PRRT4: variants seen among roughly 807,000 people sequenced by gnomAD.
The protein encoded by PRRT4 is proline rich transmembrane protein 4.
In PRRT4, 59 loss-of-function variants were observed where a neutral mutation model predicts 55.6. That is an observed-to-expected ratio of 1.06 (90% confidence interval 0.86 to 1.32). The LOEUF (loss-of-function observed/expected upper bound fraction) is 1.32, where lower values mean the gene tolerates loss of function less well. PRRT4 is among the 40% of genes most tolerant of loss of function. The pLI is 0.00. For synonymous variants in PRRT4, 606 were observed against 601.8 expected, an observed-to-expected ratio of 1.01 and a Z score of -0.10; for missense variants, 1,217 against 1,222.0, an observed-to-expected ratio of 1.00 and a Z score of 0.06.
At position 128,359,266 on chromosome 7, in the gene PRRT4, C is replaced by G. The variant is rs925096899; in HGVS notation, c.653-13G>C. ...GTGCCAAAGAATCCTGCAAAAGAAG[C>G]CCAGGCTGAAGCTGCCTCCTACCTG... is the stretch of plus-strand genomic sequence containing the variant. On this transcript the variant is annotated splice_polypyrimidine_tract_variant and intron_variant, in intron 2 of 4. Transcript: ENST00000535159. 7.8e-6 allele frequency: 12 copies of G among 1,547,912 alleles called. No homozygotes were observed. In the African/African-American group the frequency reaches 1.2e-4, roughly 16 times the overall value.
rs1036586654 is a variant in PRRT4 at position 128,350,914 on chromosome 7, A to G, written c.2642T>C (p.Leu881Pro). 5.2e-6 allele frequency: 8 copies of G among 1,550,746 alleles called. No individual in the cohort carries two copies. The African/African-American group carries it at 9.6e-5, about 19-fold the overall frequency. The change falls in exon 5 of 5, where the codon CTG (leucine) becomes CCG (proline). Residue 881 changes from leucine (L) to proline (P), a missense_variant. Transcript: ENST00000535159. ...CTCGTCGATCTGTCGGCAGGCGTCC[A>G]GGAACTGCTCCTGCAGCAAGGCCTC...
chr7:128,352,540 G>C (rs1797015016), exon 5 of PRRT4: 3 of 1,544,290 alleles, frequency 1.9e-6, no homozygotes, highest in Non-Finnish European at 1.7e-6. Flanking sequence ...GGGCCTCGGC[G>C]CCTCGGGAGG....
chr7:128,352,124 C>T, exon 5 of PRRT4: 1 of 1,186,568 alleles, frequency 8.4e-7, no homozygotes, highest in Admixed American at 4.6e-5. Flanking sequence ...GCGGCGGCCG[C>T]CAGCCCCAGC....
At chr7:128,357,998 A>C (rs565744386) in intron 4 of PRRT4, among the ~76,000 whole-genome samples, 2 of 152,366 alleles carry the variant, frequency 1.3e-5, no homozygotes, top group African/African-American at 4.8e-5. Flanking sequence ...CATCATGCTA[A>C]GAGCTTTGCA....
chr7:128,352,101 G>C (rs891012625), exon 5 of PRRT4: 2 of 1,152,610 alleles, frequency 1.7e-6, no homozygotes, highest in Non-Finnish European at 2.1e-6. Context: ...GATGCGCGGC[G>C]CTCCCGAGGG....
exon 5 of PRRT4, chr7:128,350,916 G>A (rs1418968932): frequency 2.6e-6 from 4 of 1,550,740 alleles, no homozygotes; most frequent in Non-Finnish European, 3.5e-6. Context: ...AGGCGTCCAG[G>A]AACTGCTCCT....
chr7:128,352,196 G>T lies in PRRT4; in HGVS notation c.1360C>A (p.Leu454Met), dbSNP rs1584679255. 6.7e-7 allele frequency: 1 copy of T among 1,490,416 alleles called. No individual in the cohort carries two copies. The highest frequency in any genetic ancestry group is 8.9e-7 in the Non-Finnish European group (1 of 1,127,436). 92.3% of individuals were successfully genotyped at this position (1,490,416 alleles called of 1,614,324 possible). A position where few individuals can be genotyped will look rare whatever the true frequency, so the allele number is the denominator to read the frequency against. Residue 454 changes from leucine (L) to methionine (M), a missense_variant, in exon 5 of 5, where the codon CTG becomes ATG. By Grantham distance (15) the Leu-to-Met change is conservative. Transcript: ENST00000535159. ...CGCGGCGGGCGCGGCCGGGCCAGCA[G>T]CAGGCAGGCCAGCCCCAGGCCGGCA...
exon 2 of PRRT4, chr7:128,359,806 T>C: frequency 1.3e-6 from 2 of 1,522,216 alleles, no homozygotes. Flanking sequence ...CAGCAGCAGG[T>C]CCCCGAAGAT....
intron 1 of PRRT4, among the ~76,000 whole-genome samples, chr7:128,360,278 C>G (rs1797217112): frequency 6.6e-6 from 1 of 152,230 alleles, no homozygotes; most frequent in African/African-American, 2.4e-5. Context: ...CCTCCTTCCC[C>G]CTCTGCTCAT....
intron 1 of PRRT4, among the ~76,000 whole-genome samples, 154 bp from the exon 3 acceptor site, chr7:128,360,217 C>T (rs1159641839): frequency 2.0e-5 from 3 of 152,116 alleles, no homozygotes; most frequent in Non-Finnish European, 4.4e-5. Flanking sequence ...CTCTTCTTGC[C>T]GGGCCCTTCC....
rs894626173 is a variant in PRRT4, at chr7:128,351,248, C to G, written c.2308G>C (p.Gly770Arg). Reference sequence around the variant, plus strand: ...CCTGATCTCTCACTGGCCCTGCCCCCGGTCCCCAGCGAGGCGGTGCGGTAG... The same window carrying G: ...CCTGATCTCTCACTGGCCCTGCCCCGGGTCCCCAGCGAGGCGGTGCGGTAG... The change falls in exon 5 of 5, where the codon GGG becomes CGG. Residue 770 changes from glycine (G) to arginine (R), a missense_variant. Gly to Arg is a moderately radical substitution (Grantham distance 125). Coordinates refer to ENST00000535159, the Ensembl canonical transcript of PRRT4. 77 of 1,539,488 alleles carry G rather than the reference C, an allele frequency of 5.0e-5. No homozygotes were observed. The highest frequency in any genetic ancestry group is 6.0e-5 in the Non-Finnish European group (69 of 1,146,664).
At chr7:128,352,218 G>C (rs1486447400) in exon 5 of PRRT4, 9 of 1,529,546 alleles carry the variant, frequency 5.9e-6, no homozygotes, top group Non-Finnish European at 7.9e-6. Context: ...GCCCCAGGCC[G>C]GCAGCCAAGC....
chr7:128,359,575 G>T lies in PRRT4; in HGVS notation c.417C>A (p.Ser139Arg), dbSNP rs569223173. Residue 139 changes from serine to arginine, a missense_variant, in exon 2 of 5, where the codon AGC becomes AGA. Coordinates refer to ENST00000535159, the Ensembl canonical transcript of PRRT4. ...GCTGATAGGGGGCAGTGGGCCCATC[G>T]CTGGGCCCAGAGCGCCGGGATGTGG... The T allele has an allele frequency of 2.7e-5, 41 of 1,498,598 alleles. No homozygotes were observed. The South Asian group carries it at 5.2e-4, about 19-fold the overall frequency. 92.8% of individuals were successfully genotyped at this position (1,498,598 alleles called of 1,614,324 possible).
chr7:128,355,069 G>C (rs950399332), intron 4 of PRRT4, among the ~76,000 whole-genome samples: 7 of 152,120 alleles, frequency 4.6e-5, no homozygotes, highest in Admixed American at 4.6e-4. Flanking sequence ...TAAAGGCTGC[G>C]GTCTGTTTTC....
rs956134641 is a variant in PRRT4 at position 128,359,381 on chromosome 7, C to T, written c.611G>A (p.Arg204Gln). 8 of 1,468,296 alleles carry T rather than the reference C, an allele frequency of 5.4e-6. No homozygotes were observed. The highest frequency in any genetic ancestry group is 2.9e-5 in the African/African-American group (2 of 70,046). 91.0% of individuals were successfully genotyped at this position (1,468,296 alleles called of 1,614,324 possible). The change falls in exon 2 of 5, where the codon CGG (arginine) becomes CAG (glutamine). Residue 204 changes from arginine to glutamine, a missense_variant. By Grantham distance (43) the Arg-to-Gln change is conservative (BLOSUM62 1). This residue lies in a region of PRRT4 where 564 missense variants were observed against 592.9 expected (regional missense o/e 0.95). Transcript: ENST00000535159. ...CCCAGCAATCTCTGCCAGGCTGGCC[C>T]GCAGGCTGGGCAGCAGGGGCAGCGT...
At chr7:128,355,593 T>A (rs1797096312) in intron 4 of PRRT4, among the ~76,000 whole-genome samples, 1 of 152,202 alleles carries the variant, frequency 6.6e-6, no homozygotes, top group Non-Finnish European at 1.5e-5. Flanking sequence ...ATGGAGAGCT[T>A]GCTGATCAGG....
Position 128,351,694 on chromosome 7 carries a change from T to TA in PRRT4, c.1861dup (p.Tyr621LeufsTer155). The TA allele has an allele frequency of 6.6e-7, 1 of 1,505,278 alleles. No homozygotes were observed. Among genetic ancestry groups the TA allele is most frequent in the Non-Finnish European group, 8.8e-7 (1 of 1,135,296 alleles). The allele number at this position is 1,505,278 out of a possible 1,614,324, so 93.2% of individuals were successfully genotyped here. On this transcript the variant is annotated frameshift_variant, in exon 5 of 5. Coordinates refer to ENST00000535159, the Ensembl canonical transcript of PRRT4. LOFTEE classifies it high-confidence loss of function. ...CACGCGAGGACTGCAGAGCGCCGGG[T>TA]AGAGGCCCAGCAGCGCCAACGGGAG... is the stretch of plus-strand genomic sequence containing the variant.
intron 4 of PRRT4, among the ~76,000 whole-genome samples, chr7:128,354,094 C>G (rs1361101669): frequency 1.3e-5 from 2 of 152,158 alleles, no homozygotes; most frequent in African/African-American, 4.8e-5. Context: ...TGTGGACAGC[C>G]TGGCAGGGAT....
downstream of PRRT4, chr7:128,350,774 G>A: frequency 6.6e-7 from 1 of 1,506,028 alleles, no homozygotes; most frequent in Non-Finnish European, 8.9e-7. Flanking sequence ...GGGAGGATTG[G>A]GGAAGGATTA....
Sources: allele counts gnomAD v4.1 joint callset (sites outside exome capture counted in the v4.1 genomes callset), GRCh38; gene constraint gnomAD v4.1.1; regional missense constraint gnomAD v4.1.1; transcripts MANE v1.5; gene names NCBI Gene and HGNC (gene_info 2026-07-23, HGNC 2026-07-21).